The following OPCML variants were observed in gnomAD, a reference collection of about 807,000 sequenced individuals.
The protein encoded by OPCML is opioid-binding protein/cell adhesion molecule.
Under a neutral mutation model 37.8 loss-of-function variants are expected in OPCML, and 13 were observed. The observed-to-expected ratio is 0.34, with a 90% CI of 0.22 to 0.55. The LOEUF (loss-of-function observed/expected upper bound fraction) is 0.55, where lower values mean the gene tolerates loss of function less well. Ranked by LOEUF, OPCML falls within the 20% of genes least tolerant of loss-of-function variation. The probability of loss-of-function intolerance (pLI) is 0.91; values close to 1 mark genes in which losing one functional copy is unlikely to be tolerated. For synonymous variants in OPCML, 176 were observed against 168.8 expected, an observed-to-expected ratio of 1.04 and a Z score of -0.33; for missense variants, 341 against 435.6, an observed-to-expected ratio of 0.78 and a Z score of 1.93.
At chr11:133,397,311 C>T (rs548390240) in intron 1 of OPCML, among the ~76,000 whole-genome samples, 1 of 152,198 alleles carries the variant, frequency 6.6e-6, no homozygotes, top group African/African-American at 2.4e-5. Context: ...TTCATTTATC[C>T]ATAATTTTTT....
chr11:133,070,512 C>T (rs924908448), intron 1 of OPCML, among the ~76,000 whole-genome samples: 2 of 152,164 alleles, frequency 1.3e-5, no homozygotes, highest in African/African-American at 4.8e-5. Flanking sequence ...GCCCACAATT[C>T]TATTGCCTAT....
chr11:133,337,142 T>C (rs1196403656), intron 1 of OPCML, among the ~76,000 whole-genome samples: 1 of 152,202 alleles, frequency 6.6e-6, no homozygotes. Flanking sequence ...CTATGCTATT[T>C]AGATATGATA....
chr11:133,323,049 C>A (rs1943370744), intron 1 of OPCML, among the ~76,000 whole-genome samples: 1 of 152,138 alleles, frequency 6.6e-6, no homozygotes, highest in Non-Finnish European at 1.5e-5. Context: ...ACGAGTCAGA[C>A]TGAATCTCAG....
chr11:132,808,295 G>T (rs1939133690), intron 2 of OPCML, among the ~76,000 whole-genome samples: 2 of 152,230 alleles, frequency 1.3e-5, no homozygotes, highest in African/African-American at 4.8e-5. Flanking sequence ...AGAAATCCCT[G>T]CCTGGTCTGT....
chr11:132,550,492 C>T (rs942699579), intron 3 of OPCML, among the ~76,000 whole-genome samples: 3 of 152,194 alleles, frequency 2.0e-5, no homozygotes, highest in Non-Finnish European at 2.9e-5. Flanking sequence ...TGAGTAAAAG[C>T]TCTCTGAGGC....
At chr11:133,263,353 C>T (rs1222774197) in intron 1 of OPCML, among the ~76,000 whole-genome samples, 3 of 152,074 alleles carry the variant, frequency 2.0e-5, no homozygotes, top group Admixed American at 6.5e-5. Context: ...TTTACCTTTC[C>T]TATGTTTAGA....
At chr11:133,410,111 G>T (rs537205033) in intron 1 of OPCML, among the ~76,000 whole-genome samples, 1 of 152,316 alleles carries the variant, frequency 6.6e-6, no homozygotes, top group Non-Finnish European at 1.5e-5. Context: ...TGTGACTAGG[G>T]CATAGCTACG....
chr11:133,079,120 C>G (rs1267100007), intron 1 of OPCML, among the ~76,000 whole-genome samples: 1 of 152,164 alleles, frequency 6.6e-6, no homozygotes, highest in Non-Finnish European at 1.5e-5. Flanking sequence ...GAATTGATCT[C>G]CGGGCCCCTG....
chr11:132,453,566 T>G (rs1011526395), intron 4 of OPCML, among the ~76,000 whole-genome samples: 11 of 152,230 alleles, frequency 7.2e-5, no homozygotes, highest in Admixed American at 2.6e-4. Flanking sequence ...TTATGTCATC[T>G]AATTGTCTAG....
At chr11:132,576,142 G>A (rs767438055) in intron 3 of OPCML, among the ~76,000 whole-genome samples, 5 of 151,944 alleles carry the variant, frequency 3.3e-5, no homozygotes, top group Non-Finnish European at 7.4e-5. Flanking sequence ...AGAATTTTAG[G>A]AGTTCATTTT....
intron 1 of OPCML, among the ~76,000 whole-genome samples, chr11:133,115,882 A>C (rs1422247905): frequency 2.0e-5 from 3 of 152,114 alleles, no homozygotes; most frequent in Admixed American, 6.6e-5. Context: ...ATAAATTATA[A>C]ATCATTGAGA....
intron 2 of OPCML, among the ~76,000 whole-genome samples, chr11:132,673,174 C>T (rs1339766718): frequency 1.3e-5 from 2 of 152,174 alleles, no homozygotes; most frequent in Non-Finnish European, 2.9e-5. Context: ...TGAGTGGTAT[C>T]GTCCTTCCTG....
chr11:133,459,199 T>A (rs1294532003), intron 1 of OPCML, among the ~76,000 whole-genome samples: 1 of 151,924 alleles, frequency 6.6e-6, no homozygotes, highest in Non-Finnish European at 1.5e-5. Context: ...ATCCCCATAG[T>A]AACCACAAAG....
chr11:132,710,339 C>T (rs568731547), intron 2 of OPCML, among the ~76,000 whole-genome samples: 4 of 152,110 alleles, frequency 2.6e-5, no homozygotes, highest in Admixed American at 6.5e-5. Flanking sequence ...TTTTGGGATA[C>T]AAGCTTCTTA....
chr11:132,815,502 G>A (rs1939580636), intron 2 of OPCML, among the ~76,000 whole-genome samples: 1 of 152,190 alleles, frequency 6.6e-6, no homozygotes, highest in Admixed American at 6.5e-5. Flanking sequence ...TTTAAGGTCT[G>A]TTTGGCCCTG....
At chr11:132,578,444 C>G (rs1210791665) in intron 3 of OPCML, among the ~76,000 whole-genome samples, 1 of 152,060 alleles carries the variant, frequency 6.6e-6, no homozygotes, top group Admixed American at 6.6e-5. Flanking sequence ...AAAAAATAAC[C>G]CTTGGTTCCT....
At chr11:133,063,926 T>C (rs1185121379) in intron 1 of OPCML, among the ~76,000 whole-genome samples, 1 of 152,196 alleles carries the variant, frequency 6.6e-6, no homozygotes, top group Non-Finnish European at 1.5e-5. Context: ...AACGATTTCA[T>C]GGGTGTTTTT....
intron 2 of OPCML, among the ~76,000 whole-genome samples, chr11:132,884,010 A>G (rs1943316981): frequency 6.6e-6 from 1 of 152,230 alleles, no homozygotes; most frequent in South Asian, 2.1e-4. Flanking sequence ...TCTAGTGAGC[A>G]GTCAGACATA....
At chr11:133,201,235 C>T (rs1036008103) in intron 1 of OPCML, among the ~76,000 whole-genome samples, 7 of 151,264 alleles carry the variant, frequency 4.6e-5, no homozygotes, top group Non-Finnish European at 7.4e-5. Flanking sequence ...CCAGGACACA[C>T]AATTTAGCCA....
Sources: allele counts gnomAD v4.1 joint callset (sites outside exome capture counted in the v4.1 genomes callset), GRCh38; gene constraint gnomAD v4.1.1; transcripts MANE v1.5; gene names NCBI Gene and HGNC (gene_info 2026-07-23, HGNC 2026-07-21).